Variants in MAGI1 observed in about 807,000 individuals in gnomAD.
MAGI1 encodes the protein membrane-associated guanylate kinase, WW and PDZ domain-containing protein 1.
A neutral mutation model predicts 139.9 loss-of-function variants in MAGI1; 58 were observed. The ratio of observed to expected loss-of-function variants is 0.41; its 90% CI spans 0.34 to 0.52. MAGI1 has a LOEUF of 0.52. MAGI1 is among the 20% of genes least tolerant of loss of function. MAGI1 has a pLI of 0.12. For missense variants in MAGI1, 1,874 were observed against 1,901.6 expected (o/e 0.99, Z 0.27); for synonymous variants, 812 against 737.9 (o/e 1.10, Z -1.63).
At chr3:65,697,169 A>G (rs2089275362) in intron 1 of MAGI1, among the ~76,000 whole-genome samples, 2 of 152,022 alleles carry the variant, frequency 1.3e-5, no homozygotes, top group African/African-American at 2.4e-5. Flanking sequence ...CCAAGACTAA[A>G]CCAGGAAGAA....
chr3:65,639,485 T>C (rs762269590), intron 1 of MAGI1, among the ~76,000 whole-genome samples: 1 of 152,184 alleles, frequency 6.6e-6, no homozygotes, highest in Non-Finnish European at 1.5e-5. Flanking sequence ...CGGGAAGTCA[T>C]CTGGGAGGGT....
At chr3:65,857,911 G>A (rs1322336130) in intron 1 of MAGI1, among the ~76,000 whole-genome samples, 1 of 152,126 alleles carries the variant, frequency 6.6e-6, no homozygotes, top group Non-Finnish European at 1.5e-5. Context: ...CAACATTTAG[G>A]TGATTAGGCA....
intron 4 of MAGI1, 39 bp from the exon 5 acceptor site, chr3:65,470,523 G>GAAA (rs111579108): frequency 2.4e-4 from 223 of 932,786 alleles, no homozygotes; most frequent in Admixed American, 6.5e-4. Flanking sequence ...GAGAGAGAGA[G>GAAA]AAAAAAAAAA....
intron 1 of MAGI1, among the ~76,000 whole-genome samples, chr3:65,789,707 C>T (rs919574541): frequency 2.6e-5 from 4 of 152,164 alleles, no homozygotes; most frequent in Non-Finnish European, 5.9e-5. Flanking sequence ...GGATCTCCCT[C>T]GCCCACGGCC....
intron 3 of MAGI1, among the ~76,000 whole-genome samples, chr3:65,484,249 T>C (rs963624573): frequency 6.6e-6 from 1 of 152,088 alleles, no homozygotes; most frequent in Non-Finnish European, 1.5e-5. Flanking sequence ...ATGACAAACA[T>C]AAAGGCCCAA....
intron 1 of MAGI1, among the ~76,000 whole-genome samples, chr3:65,931,420 T>C (rs1331247214): frequency 6.6e-6 from 1 of 152,222 alleles, no homozygotes. Context: ...TCTTGAGGTC[T>C]AGATCGAGAC....
At chr3:65,492,677 C>A (rs1009881971) in intron 3 of MAGI1, among the ~76,000 whole-genome samples, 1 of 152,062 alleles carries the variant, frequency 6.6e-6, no homozygotes, top group South Asian at 2.1e-4. Context: ...CATGTACATA[C>A]GCATGTGCAC....
intron 14 of MAGI1, among the ~76,000 whole-genome samples, chr3:65,384,689 C>T (rs1439263976): frequency 6.6e-6 from 1 of 152,062 alleles, no homozygotes; most frequent in African/African-American, 2.4e-5. Context: ...GCCATGATTG[C>T]CCCAGTGCAC....
intron 2 of MAGI1, among the ~76,000 whole-genome samples, chr3:65,574,690 T>C (rs1468395208): frequency 3.3e-5 from 5 of 151,998 alleles, no homozygotes; most frequent in Admixed American, 1.3e-4. Flanking sequence ...GGAAAACTAA[T>C]AGTACCTAAC....
intron 1 of MAGI1, among the ~76,000 whole-genome samples, chr3:65,750,195 A>G (rs2036030838): frequency 6.6e-6 from 1 of 152,210 alleles, no homozygotes; most frequent in Admixed American, 6.6e-5. Flanking sequence ...GGGACCCCAA[A>G]GCAACCATCC....
At chr3:65,956,312 T>A (rs1221492865) in intron 1 of MAGI1, among the ~76,000 whole-genome samples, 2 of 152,088 alleles carry the variant, frequency 1.3e-5, no homozygotes, top group Non-Finnish European at 2.9e-5. Context: ...TAAAATGACA[T>A]CCCTTTGCAG....
At chr3:65,364,165 T>TA (rs555186167) in intron 20 of MAGI1, among the ~76,000 whole-genome samples, 6,853 of 89,318 alleles carry the variant, frequency 0.077, 399 homozygotes, top group Non-Finnish European at 0.11. Context: ...CCCTGTCTCT[T>TA]AAAAAAAAAA....
intron 1 of MAGI1, among the ~76,000 whole-genome samples, chr3:65,977,651 C>T (rs1268157122): frequency 6.6e-6 from 1 of 151,652 alleles, no homozygotes; most frequent in East Asian, 1.9e-4. Flanking sequence ...GCAGAGGTTG[C>T]AGTGAGCCGA....
intron 12 of MAGI1, among the ~76,000 whole-genome samples, chr3:65,421,830 T>A (rs1279788367): frequency 6.6e-6 from 1 of 152,144 alleles, no homozygotes; most frequent in Non-Finnish European, 1.5e-5. Flanking sequence ...TCTTAAATCC[T>A]CTGAGTGTGA....
At chr3:65,704,521 T>C (rs1014615490) in intron 1 of MAGI1, among the ~76,000 whole-genome samples, 7 of 152,172 alleles carry the variant, frequency 4.6e-5, no homozygotes, top group Non-Finnish European at 1.5e-5. Context: ...TGTTCCTTAT[T>C]ATCTCTGTCC....
At chr3:65,458,630 A>C (rs1441393648) in intron 5 of MAGI1, among the ~76,000 whole-genome samples, 1 of 151,942 alleles carries the variant, frequency 6.6e-6, no homozygotes, top group African/African-American at 2.4e-5. Context: ...GTCCACTCAG[A>C]TCTTTCCCCC....
At chr3:65,908,580 G>C (rs1014141509) in intron 1 of MAGI1, among the ~76,000 whole-genome samples, 1 of 152,044 alleles carries the variant, frequency 6.6e-6, no homozygotes, top group African/African-American at 2.4e-5. Context: ...CACTGCACCC[G>C]GCCAATCCTT....
chr3:65,510,132 C>T (rs965051967), intron 2 of MAGI1, among the ~76,000 whole-genome samples: 5 of 152,044 alleles, frequency 3.3e-5, no homozygotes, highest in Admixed American at 1.3e-4. Context: ...AGAAAGGACA[C>T]CCACACCAAA....
chr3:65,536,694 C>G (rs550181178), intron 2 of MAGI1, among the ~76,000 whole-genome samples: 1 of 152,092 alleles, frequency 6.6e-6, no homozygotes, highest in Non-Finnish European at 1.5e-5. Context: ...GCCATATGAT[C>G]CTGGTTAATC....
Sources: gnomAD v4.1 joint callset for allele counts (sites outside exome capture counted in the v4.1 genomes callset) on GRCh38, gnomAD v4.1.1 for gene constraint, MANE v1.5 for transcripts, NCBI Gene and HGNC (gene_info 2026-07-23, HGNC 2026-07-21) for gene names.